The following DLG2 variants were observed in gnomAD, a reference collection of about 807,000 sequenced individuals.
The protein encoded by DLG2 is disks large homolog 2.
A neutral mutation model predicts 132.5 loss-of-function variants in DLG2; 45 were observed. The observed-to-expected ratio is 0.34, with a 90% CI of 0.27 to 0.44. The LOEUF is 0.44. Among genes scored for constraint, DLG2 ranks in the 20% least tolerant of loss-of-function variants. The pLI is 1.00. For synonymous variants in DLG2, 424 were observed against 419.6 expected (o/e 1.01, Z -0.13); for missense variants, 1,045 against 1,196.9 (o/e 0.87, Z 1.87).
At position 85,127,187 on chromosome 11, in the gene DLG2, G is replaced by C. The variant is rs75115212; in HGVS notation, c.283-15452C>G. 7.1e-3 allele frequency among the ~76,000 whole-genome samples: 1,072 copies of C among 151,722 alleles called. 11 individuals are homozygous for C. The highest frequency in any genetic ancestry group is 0.025 in the African/African-American group (1,016 of 41,352). On this transcript the variant is annotated intron_variant, in intron 5 of 27. Coordinates refer to ENST00000376104, the MANE Select transcript of DLG2 (RefSeq NM_001142699.3). The stretch of plus-strand genomic sequence containing the variant: ...CTCATATTGGACACCTTACATCCCA[G>C]CCATATTGTCCTTCCATTCTTGAAA...
chr11:84,720,621 C>T (rs935571691), intron 6 of DLG2, among the ~76,000 whole-genome samples: 1 of 151,810 alleles, frequency 6.6e-6, no homozygotes, highest in Non-Finnish European at 1.5e-5. Context: ...GGGACAGAAC[C>T]AAGAAAGAAT....
chr11:84,770,738 C>T (rs1422964475), intron 6 of DLG2, among the ~76,000 whole-genome samples: 17 of 151,434 alleles, frequency 1.1e-4, no homozygotes, highest in Admixed American at 5.3e-4. Flanking sequence ...CTCTGCCTCA[C>T]GGGTTCACGC....
chr11:84,049,441 C>A (rs938767213), intron 11 of DLG2, among the ~76,000 whole-genome samples: 2 of 151,758 alleles, frequency 1.3e-5, no homozygotes, highest in Admixed American at 1.3e-4. Flanking sequence ...TTCACTCATA[C>A]GGACTCTTCG....
intron 3 of DLG2, among the ~76,000 whole-genome samples, chr11:85,505,892 T>G (rs998894275): frequency 6.6e-6 from 1 of 152,212 alleles, no homozygotes; most frequent in Non-Finnish European, 1.5e-5. Context: ...TGCTTCAATA[T>G]CAGAACCTGT....
chr11:84,846,893 T>A (rs1334455052), intron 6 of DLG2, among the ~76,000 whole-genome samples: 1 of 152,162 alleles, frequency 6.6e-6, no homozygotes, highest in Non-Finnish European at 1.5e-5. Context: ...ATGTGAGATT[T>A]TTTTATATGT....
intron 7 of DLG2, among the ~76,000 whole-genome samples, chr11:84,467,505 C>CT (rs554252507): frequency 6.6e-6 from 1 of 150,960 alleles, no homozygotes; most frequent in Admixed American, 6.6e-5. Flanking sequence ...GATTTGTTTA[C>CT]TTTTTTTTAA....
At chr11:84,407,744 T>C (rs949727096) in intron 7 of DLG2, among the ~76,000 whole-genome samples, 1 of 152,240 alleles carries the variant, frequency 6.6e-6, no homozygotes, top group Non-Finnish European at 1.5e-5. Flanking sequence ...GATAAGGCAC[T>C]GAAACTCAAA....
chr11:84,541,723 T>C (rs912035189), intron 6 of DLG2, among the ~76,000 whole-genome samples: 1 of 152,154 alleles, frequency 6.6e-6, no homozygotes, highest in Non-Finnish European at 1.5e-5. Flanking sequence ...TGTAATTATC[T>C]GAGCAATAAC....
chr11:85,005,518 GCTCT>G (rs2058574283), intron 6 of DLG2, among the ~76,000 whole-genome samples: 1 of 151,824 alleles, frequency 6.6e-6, no homozygotes, highest in African/African-American at 2.4e-5. Context: ...TCATGATTTG[GCTCT>G]CTGTTTGTCT....
intron 6 of DLG2, among the ~76,000 whole-genome samples, chr11:84,555,283 C>G (rs1281916066): frequency 2.0e-5 from 3 of 151,970 alleles, no homozygotes; most frequent in Non-Finnish European, 2.9e-5. Flanking sequence ...TCTAGCAAAC[C>G]CACTTCTGGG....
chr11:84,060,317 A>T (rs2096571127), intron 10 of DLG2, among the ~76,000 whole-genome samples: 1 of 152,132 alleles, frequency 6.6e-6, no homozygotes, highest in Non-Finnish European at 1.5e-5. Flanking sequence ...ATCTCAAAAA[A>T]AGAAAATAAT....
At chr11:84,858,812 CTTGT>C (rs776686993) in intron 6 of DLG2, among the ~76,000 whole-genome samples, 17 of 151,756 alleles carry the variant, frequency 1.1e-4, no homozygotes, top group South Asian at 6.2e-4. Context: ...ATAGTTTGTA[CTTGT>C]TTGTTTGACA....
At chr11:85,247,808 C>T (rs1325262562) in intron 4 of DLG2, among the ~76,000 whole-genome samples, 1 of 152,018 alleles carries the variant, frequency 6.6e-6, no homozygotes, top group East Asian at 1.9e-4. Context: ...TCATCATTTT[C>T]CTAAATCACA....
Position 85,315,987 on chromosome 11 carries a change from C to T in DLG2, c.41-30622G>A, listed in dbSNP as rs184262006. On this transcript the variant is annotated intron_variant, in intron 3 of 27. Coordinates refer to ENST00000376104, the MANE Select transcript of DLG2 (RefSeq NM_001142699.3). ...TTATCTGCCAATGCCCAGCTGTGTC[C>T]CTCCCCTCTCTGAGGACGATTTGAC... Among the ~76,000 whole-genome samples the T allele has an allele frequency of 3.0e-3, 450 of 152,044 alleles. 1 individual carries two copies. The highest frequency in any genetic ancestry group is 4.4e-3 in the Non-Finnish European group (297 of 67,916).
At chr11:85,387,172 G>A (rs1596763382) in intron 3 of DLG2, among the ~76,000 whole-genome samples, 1 of 152,130 alleles carries the variant, frequency 6.6e-6, no homozygotes, top group African/African-American at 2.4e-5. Flanking sequence ...ACAGGTGTTA[G>A]CCACCAGAAT....
chr11:84,115,853 A>T (rs1199433692), intron 9 of DLG2, among the ~76,000 whole-genome samples: 1 of 152,170 alleles, frequency 6.6e-6, no homozygotes, highest in African/African-American at 2.4e-5. Flanking sequence ...TGAGTACCTC[A>T]CTAGAGTATA....
intron 3 of DLG2, among the ~76,000 whole-genome samples, chr11:85,583,506 T>C (rs377653023): frequency 2.0e-5 from 3 of 152,008 alleles, no homozygotes; most frequent in African/African-American, 4.8e-5. Context: ...TTCTATATGG[T>C]ATATCTGTAG....
At chr11:85,529,208 C>T (rs1384496613) in intron 3 of DLG2, among the ~76,000 whole-genome samples, 2 of 152,150 alleles carry the variant, frequency 1.3e-5, no homozygotes, top group Non-Finnish European at 2.9e-5. Flanking sequence ...ATGGAACTCT[C>T]CTTCACCTAC....
chr11:85,244,892 C>T (rs190494157), intron 4 of DLG2, among the ~76,000 whole-genome samples: 1 of 151,986 alleles, frequency 6.6e-6, no homozygotes, highest in Non-Finnish European at 1.5e-5. Context: ...GACAATTTCT[C>T]ATTTATCACA....
Sources: gnomAD v4.1 joint callset for allele counts (sites outside exome capture counted in the v4.1 genomes callset) on GRCh38, gnomAD v4.1.1 for gene constraint, MANE v1.5 for transcripts, NCBI Gene and HGNC (gene_info 2026-07-23, HGNC 2026-07-21) for gene names.